The following PEBP4 variants were observed in gnomAD, a reference collection of about 807,000 sequenced individuals.
PEBP4 encodes phosphatidylethanolamine-binding protein 4.
Under a neutral mutation model 23.9 loss-of-function variants are expected in PEBP4, and 22 were observed. The observed-to-expected ratio is 0.92, with a 90% confidence interval of 0.66 to 1.31. The LOEUF is 1.31. Among genes scored for constraint, PEBP4 ranks in the 40% most tolerant of loss-of-function variants. The probability of loss-of-function intolerance (pLI) is 0.00; values close to 1 mark genes in which losing one functional copy is unlikely to be tolerated. For missense variants in PEBP4, 324 were observed against 281.7 expected, an observed-to-expected ratio of 1.15 and a Z score of -1.07; for synonymous variants, 112 against 99.3, an observed-to-expected ratio of 1.13 and a Z score of -0.76.
Position 22,773,272 on chromosome 8 carries a change from G to A in PEBP4, c.357+44365C>T, listed in dbSNP as rs532649406. Reference sequence around the variant, plus strand: ...CCTATCGCAGCACAAAAGGCAGTTCGCTCAAGCACCAGCCCAGGTGTATTA... The same window carrying A: ...CCTATCGCAGCACAAAAGGCAGTTCACTCAAGCACCAGCCCAGGTGTATTA... On this transcript the variant is annotated intron_variant, in intron 4 of 6. Transcript: ENST00000256404. 5.9e-5 allele frequency among the ~76,000 whole-genome samples: 9 copies of A among 152,222 alleles called. No homozygotes were observed. In the East Asian group the frequency reaches 1.4e-3, roughly 23 times the overall value.
At chr8:22,855,332 C>T (rs1807623165) in intron 3 of PEBP4, among the ~76,000 whole-genome samples, 1 of 152,172 alleles carries the variant, frequency 6.6e-6, no homozygotes, top group Non-Finnish European at 1.5e-5. Context: ...ACTGTGAATG[C>T]AGGGAACTTT....
chr8:22,720,695 G>A (rs1301193230), intron 6 of PEBP4, among the ~76,000 whole-genome samples: 1 of 152,178 alleles, frequency 6.6e-6, no homozygotes, highest in African/African-American at 2.4e-5. Context: ...CCTTGTCAGA[G>A]GCACCAGTTA....
chr8:22,899,616 G>A (rs1391490299), intron 3 of PEBP4, among the ~76,000 whole-genome samples: 2 of 152,140 alleles, frequency 1.3e-5, no homozygotes, highest in Non-Finnish European at 2.9e-5. Flanking sequence ...ACCTGGCAGT[G>A]GTGCCTCTCA....
At chr8:22,847,734 T>C (rs1807467253) in intron 3 of PEBP4, among the ~76,000 whole-genome samples, 1 of 152,102 alleles carries the variant, frequency 6.6e-6, no homozygotes, top group Non-Finnish European at 1.5e-5. Context: ...AGGAACAGCA[T>C]CAGGGAAGAC....
rs377329438 is a variant in PEBP4, at chr8:22,922,831, G to A, written c.132-2521C>T. 1.9e-4 allele frequency among the ~76,000 whole-genome samples: 29 copies of A among 152,296 alleles called. No homozygotes were observed. In the East Asian group the frequency reaches 5.0e-3, roughly 26 times the overall value. On this transcript the variant is annotated intron_variant, in intron 2 of 6. Transcript: ENST00000256404. ...ATGGAATTCTTCTAATTTCCATGTG[G>A]AGAGTTTGGGGATCTCCTGATCTCC...
intron 3 of PEBP4, among the ~76,000 whole-genome samples, chr8:22,880,216 G>A (rs376162241): frequency 2.6e-5 from 4 of 152,196 alleles, no homozygotes; most frequent in African/African-American, 9.6e-5. Context: ...GCTAGAAGGC[G>A]AGACAGCAGC....
chr8:22,899,465 T>A (rs1808666653), intron 3 of PEBP4, among the ~76,000 whole-genome samples: 1 of 152,242 alleles, frequency 6.6e-6, no homozygotes, highest in Admixed American at 6.5e-5. Context: ...AAAAGGAACC[T>A]GCTTTTGCAG....
chr8:22,784,431 C>T (rs919483782), intron 4 of PEBP4, among the ~76,000 whole-genome samples: 1 of 152,098 alleles, frequency 6.6e-6, no homozygotes, highest in Non-Finnish European at 1.5e-5. Context: ...GTCATTGATG[C>T]CTTGATTTGA....
At chr8:22,849,904 T>C (rs1124977) in intron 3 of PEBP4, among the ~76,000 whole-genome samples, 73,344 of 151,866 alleles carry the variant, frequency 0.48, 17,899 homozygotes, top group South Asian at 0.67. Flanking sequence ...AGAGAGGACC[T>C]CAGTGTACTC....
intron 3 of PEBP4, among the ~76,000 whole-genome samples, chr8:22,878,705 G>A (rs1368068629): frequency 6.6e-6 from 1 of 152,250 alleles, no homozygotes; most frequent in East Asian, 1.9e-4. Context: ...AAACAGGGGT[G>A]CATTCCCTGG....
At chr8:22,816,369 G>T (rs182320465) in intron 4 of PEBP4, among the ~76,000 whole-genome samples, 10 of 152,236 alleles carry the variant, frequency 6.6e-5, no homozygotes, top group African/African-American at 2.2e-4. Context: ...CCGGTCACTG[G>T]GCCACCAGCT....
chr8:22,909,171 G>T (rs1431312826), intron 3 of PEBP4, among the ~76,000 whole-genome samples: 5 of 152,124 alleles, frequency 3.3e-5, no homozygotes, highest in African/African-American at 1.2e-4. Flanking sequence ...TCTCCCCCTG[G>T]TGTCGGCTCT....
intron 3 of PEBP4, among the ~76,000 whole-genome samples, chr8:22,841,437 A>G (rs1807327526): frequency 6.6e-6 from 1 of 152,248 alleles, no homozygotes; most frequent in South Asian, 2.1e-4. Flanking sequence ...ATATTTTGTC[A>G]TTGATAGGGA....
rs1182950202 is a variant in PEBP4, at chr8:22,852,181, ATTCT to A, written c.259-34450_259-34447del. Among the ~76,000 whole-genome samples the A allele has an allele frequency of 5.3e-5, 8 of 152,302 alleles. No individual in the cohort carries two copies. In the East Asian group the frequency reaches 1.5e-3, roughly 29 times the overall value. ...ATCCCATCACTGAGATTTAATGGAC[ATTCT>A]GTTGCTGGAGATTTGGTCTCTTGCC... On this transcript the variant is annotated intron_variant, in intron 3 of 6. Transcript: ENST00000256404.
upstream of PEBP4, among the ~76,000 whole-genome samples, chr8:22,931,760 G>C (rs1020839428): frequency 3.3e-5 from 5 of 151,962 alleles, no homozygotes; most frequent in African/African-American, 1.2e-4. Flanking sequence ...ATTTCAAGCA[G>C]CTCTTCTGAT....
intron 1 of PEBP4, among the ~76,000 whole-genome samples, chr8:22,934,963 G>C (rs1037236649): frequency 6.6e-6 from 1 of 152,112 alleles, no homozygotes; most frequent in Non-Finnish European, 1.5e-5. Context: ...AACAGGGATG[G>C]CTATATTAAT....
At chr8:22,741,898 C>G (rs925589197) in intron 4 of PEBP4, among the ~76,000 whole-genome samples, 1 of 152,124 alleles carries the variant, frequency 6.6e-6, no homozygotes, top group East Asian at 1.9e-4. Context: ...GGTGACAGTG[C>G]GCAGGGACAC....
At chr8:22,782,256 C>G (rs1563214485) in intron 4 of PEBP4, among the ~76,000 whole-genome samples, 1 of 152,150 alleles carries the variant, frequency 6.6e-6, no homozygotes, top group African/African-American at 2.4e-5. Context: ...ATACAAGGTG[C>G]CTTACCAGTG....
chr8:22,908,917 G>C (rs555226336), intron 3 of PEBP4, among the ~76,000 whole-genome samples: 1 of 152,292 alleles, frequency 6.6e-6, no homozygotes, highest in South Asian at 2.1e-4. Flanking sequence ...GTTAGCGGCC[G>C]AGCTTTAAAG....
Sources: gnomAD v4.1 joint callset for allele counts (sites outside exome capture counted in the v4.1 genomes callset) on GRCh38, gnomAD v4.1.1 for gene constraint, MANE v1.5 for transcripts, NCBI Gene and HGNC (gene_info 2026-07-23, HGNC 2026-07-21) for gene names.